SF3B3: variants seen among roughly 807,000 people sequenced by gnomAD.
SF3B3 encodes splicing factor 3b subunit 3.
A neutral mutation model predicts 139.2 loss-of-function variants in SF3B3; 33 were observed. The ratio of observed to expected loss-of-function variants is 0.24; its 90% CI spans 0.18 to 0.32. The LOEUF is 0.32. SF3B3 is among the 10% of genes least tolerant of loss of function. The probability of loss-of-function intolerance (pLI) is 1.00; values close to 1 mark genes in which losing one functional copy is unlikely to be tolerated. For missense variants in SF3B3, 818 were observed against 1,509.4 expected (o/e 0.54, Z 7.59); for synonymous variants, 596 against 563.6 (o/e 1.06, Z -0.81).
At chr16:70,538,587 A>G (rs1299539786) in intron 7 of SF3B3, 127 bp downstream of exon 7, 2 of 737,328 alleles carry the variant, frequency 2.7e-6, no homozygotes, top group East Asian at 2.6e-5. Flanking sequence ...GTATATGAGT[A>G]TAGATTTTCT....
At chr16:70,540,083 A>G (rs115577007) in intron 8 of SF3B3, among the ~76,000 whole-genome samples, 4,757 of 149,918 alleles carry the variant, frequency 0.032, 275 homozygotes, top group African/African-American at 0.11. Context: ...CAGTACTTAA[A>G]TATTTCAATA....
chr16:70,544,622 C>G, intron 10 of SF3B3, 89 bp downstream of exon 10: 1 of 768,692 alleles, frequency 1.3e-6, no homozygotes, highest in Non-Finnish European at 2.3e-6. Flanking sequence ...TTGTCAAAGA[C>G]ATAGTTAAGG....
At chr16:70,543,140 G>C (rs1323233516) in intron 9 of SF3B3, among the ~76,000 whole-genome samples, 2 of 152,068 alleles carry the variant, frequency 1.3e-5, no homozygotes, top group Admixed American at 1.3e-4. Context: ...AGGCATGGTG[G>C]CTCATGCTTG....
At chr16:70,542,538 G>A (rs1567414573) in intron 9 of SF3B3, among the ~76,000 whole-genome samples, 1 of 152,150 alleles carries the variant, frequency 6.6e-6, no homozygotes, top group Non-Finnish European at 1.5e-5. Flanking sequence ...GGGACCACCT[G>A]TGTAGTTGAT....
intron 8 of SF3B3, among the ~76,000 whole-genome samples, chr16:70,539,736 G>A (rs1288828499): frequency 6.6e-6 from 1 of 151,676 alleles, no homozygotes; most frequent in African/African-American, 2.4e-5. Flanking sequence ...CTTTAGATTT[G>A]ATGTCTCTTC....
intron 16 of SF3B3, 183 bp from the exon 17 acceptor site, chr16:70,561,447 A>G (rs2050428200): frequency 1.7e-6 from 1 of 591,606 alleles, no homozygotes; most frequent in African/African-American, 1.9e-5. Context: ...CATGCTTTTC[A>G]CATATGCTAA....
At chr16:70,564,297 A>G (rs1387887031) in intron 18 of SF3B3, among the ~76,000 whole-genome samples, 3 of 152,202 alleles carry the variant, frequency 2.0e-5, no homozygotes, top group Non-Finnish European at 4.4e-5. Context: ...ACTTGAGCCC[A>G]GGAGTTCAAG....
At chr16:70,554,744 C>T (rs2050363827) in intron 12 of SF3B3, 147 bp downstream of exon 12, 2 of 788,978 alleles carry the variant, frequency 2.5e-6, no homozygotes, top group Non-Finnish European at 4.0e-6. Context: ...CACATAATAT[C>T]CCTCTCTGTA....
rs201673469 is a variant in SF3B3 at position 70,556,972 on chromosome 16, G to A, written c.1953G>A (p.Gln651=). The A allele has an allele frequency of 1.2e-6, 2 of 1,614,130 alleles. No individual in the cohort carries two copies. The highest frequency in any genetic ancestry group is 4.5e-5 in the East Asian group (2 of 44,878). Residue 651 remains glutamine (Q), a synonymous_variant, in exon 15 of 26, where the codon CAG becomes CAA. Transcript: ENST00000302516. ...CIVEMGGTEK[Q]DELGERGSIG... is the part of the protein sequence containing the mutation. ...TGGAAATGGGTGGGACTGAGAAGCA[G>A]GATGAGCTGGGTGAGAGGGGCTCGA... is the stretch of plus-strand genomic sequence containing the variant.
At chr16:70,566,459 G>A (rs897194424) in intron 20 of SF3B3, among the ~76,000 whole-genome samples, 4 of 151,846 alleles carry the variant, frequency 2.6e-5, no homozygotes, top group Non-Finnish European at 4.4e-5. Context: ...CTATTCCAGA[G>A]GCTAAGGCAG....
chr16:70,564,114 A>T, intron 18 of SF3B3, 64 bp downstream of exon 18: 2 of 1,529,534 alleles, frequency 1.3e-6, no homozygotes, highest in Non-Finnish European at 1.8e-6. Context: ...AAAAGTTTAA[A>T]CTGCCCGGCA....
chr16:70,559,653 C>CTGG (rs1162871063), intron 15 of SF3B3, among the ~76,000 whole-genome samples: 1 of 152,012 alleles, frequency 6.6e-6, no homozygotes, highest in Non-Finnish European at 1.5e-5. Flanking sequence ...TGGCACTGTA[C>CTGG]TCCAGCCTGG....
chr16:70,535,625 A>C (rs1431783358), intron 6 of SF3B3, among the ~76,000 whole-genome samples: 1 of 152,242 alleles, frequency 6.6e-6, no homozygotes, highest in Non-Finnish European at 1.5e-5. Context: ...AAAGGGAATT[A>C]AAACTAATCT....
At chr16:70,544,868 T>C (rs777991196) in intron 10 of SF3B3, among the ~76,000 whole-genome samples, 31 of 152,008 alleles carry the variant, frequency 2.0e-4, no homozygotes, top group Admixed American at 1.4e-3. Flanking sequence ...CTTTTTTCTA[T>C]TCCTCAACTT....
At chr16:70,541,084 C>A (rs1396609874) in intron 8 of SF3B3, among the ~76,000 whole-genome samples, 1 of 152,250 alleles carries the variant, frequency 6.6e-6, no homozygotes, top group African/African-American at 2.4e-5. Context: ...GTTCCAGTTT[C>A]TCCACATCCT....
Position 70,554,699 on chromosome 16 carries a change from A to C in SF3B3, c.1554+102A>C, listed in dbSNP as rs542941103. 4 of 1,199,580 alleles carry C rather than the reference A, an allele frequency of 3.3e-6. No homozygotes were observed. The East Asian group carries it at 9.7e-5, about 29-fold the overall frequency. The allele number at this position is 1,199,580 out of a possible 1,614,324, so 74.3% of individuals were successfully genotyped here. A position where few individuals can be genotyped will look rare whatever the true frequency, so the allele number is the denominator to read the frequency against. ...TCATGTCTCTTCACCCTCACCTTCCAGCAAGCCTTAGGGGTAGGGAACATA... is the reference window on the plus strand; with the variant it reads ...TCATGTCTCTTCACCCTCACCTTCCCGCAAGCCTTAGGGGTAGGGAACATA... On this transcript the variant is annotated intron_variant, in intron 12 of 25. Transcript: ENST00000302516.
At chr16:70,525,667 CAT>C (rs1310852209) in intron 1 of SF3B3, among the ~76,000 whole-genome samples, 2 of 151,984 alleles carry the variant, frequency 1.3e-5, no homozygotes, top group East Asian at 3.9e-4. Flanking sequence ...GAACGTTAAA[CAT>C]ATACCTTAGT....
chr16:70,562,395 G>A (rs549468348), intron 17 of SF3B3, among the ~76,000 whole-genome samples: 43 of 152,244 alleles, frequency 2.8e-4, no homozygotes, highest in African/African-American at 8.4e-4. Flanking sequence ...ATGGCCTCTT[G>A]ATAGATTAAT....
At chr16:70,567,387 G>C in intron 20 of SF3B3, 24 bp from the exon 21 acceptor site, 1 of 1,604,436 alleles carries the variant, frequency 6.2e-7, no homozygotes, top group Non-Finnish European at 8.5e-7. Context: ...TATAATAGCT[G>C]TATTACCTGC....
Sources: allele counts gnomAD v4.1 joint callset (sites outside exome capture counted in the v4.1 genomes callset), GRCh38; gene constraint gnomAD v4.1.1; transcripts MANE v1.5; gene names NCBI Gene and HGNC (gene_info 2026-07-23, HGNC 2026-07-21).